The following ZC3H4 variants were observed in gnomAD, a reference collection of about 807,000 sequenced individuals.
ZC3H4 encodes zinc finger CCCH-type containing 4.
In ZC3H4, 13 loss-of-function variants were observed where a neutral mutation model predicts 108.3. That is an observed-to-expected ratio of 0.12 (90% CI 0.08 to 0.19). ZC3H4 has a LOEUF of 0.19. Among genes scored for constraint, ZC3H4 ranks in the 10% least tolerant of loss-of-function variants. The pLI is 1.00. For synonymous variants in ZC3H4, 917 were observed against 749.6 expected, an observed-to-expected ratio of 1.22 and a Z score of -3.65; for missense variants, 1,734 against 1,838.8, an observed-to-expected ratio of 0.94 and a Z score of 1.04.
At chr19:47,102,120 T>G (rs2057911932) in intron 2 of ZC3H4, among the ~76,000 whole-genome samples, 1 of 152,154 alleles carries the variant, frequency 6.6e-6, no homozygotes, top group Non-Finnish European at 1.5e-5. Context: ...AGCAGTTATT[T>G]AATAATTTCC....
chr19:47,107,639 A>ATGCGTTCAGCAAACT (rs2057983753), intron 2 of ZC3H4, among the ~76,000 whole-genome samples: 3 of 151,840 alleles, frequency 2.0e-5, no homozygotes, highest in African/African-American at 7.3e-5. Context: ...CTCAGCAAAT[A>ATGCGTTCAGCAAACT]ATCCTGCGTT....
At chr19:47,112,334 C>T in intron 2 of ZC3H4, 90 bp downstream of exon 2, 1 of 1,198,208 alleles carries the variant, frequency 8.3e-7, no homozygotes, top group Non-Finnish European at 1.0e-6. Context: ...TCCTCCTCCG[C>T]GGCCCGGCCC....
At chr19:47,068,639 A>G (rs1053815211) in intron 14 of ZC3H4, among the ~76,000 whole-genome samples, 2 of 152,112 alleles carry the variant, frequency 1.3e-5, no homozygotes, top group African/African-American at 4.8e-5. Flanking sequence ...ATTTTACCCC[A>G]AAGTGGACAC....
Position 47,067,058 on chromosome 19 carries a change from G to C in ZC3H4, c.3210C>G (p.Asp1070Glu). 2 of 1,608,516 alleles carry C rather than the reference G, an allele frequency of 1.2e-6. No homozygotes were observed. The highest frequency in any genetic ancestry group is 1.7e-6 in the Non-Finnish European group (2 of 1,177,532). ...CGGTGGGGGCCTTCCGCACCCGGGG[G>C]TCACTGGGTTTGTCGCTGGAACCGG... ...AAPGSSDKPS[D>E]PRVRKAPTDP... Residue 1070 changes from aspartate (D) to glutamate (E), a missense_variant, in exon 15 of 15, where the codon GAC becomes GAG. Transcript: ENST00000253048. The surrounding 1 kb of genome is among the most constrained non-coding windows in gnomAD (Gnocchi z 6.4).
rs2122723442 is a variant in ZC3H4, at chr19:47,072,185, G to A, written c.1803-64C>T. On this transcript the variant is annotated intron_variant, in intron 12 of 14. Coordinates refer to ENST00000253048, the MANE Select transcript of ZC3H4 (RefSeq NM_015168.2). This position sits in a 1 kb window ranked among gnomAD's most constrained non-coding sequence, Gnocchi z 5.6. ...AGGAGGGCAGTGGCCACACCCCAGA[G>A]GAGAGGCGGAGGGCTGCAGAGCCGA... is the stretch of plus-strand genomic sequence containing the variant. The A allele has an allele frequency of 4.8e-6, 7 of 1,444,152 alleles. No individual in the cohort carries two copies. The highest frequency in any genetic ancestry group is 6.5e-6 in the Non-Finnish European group (7 of 1,084,964). The allele number at this position is 1,444,152 out of a possible 1,614,324, so 89.5% of individuals were successfully genotyped here. A position where few individuals can be genotyped will look rare whatever the true frequency, so the allele number is the denominator to read the frequency against.
At chr19:47,085,248 CA>C (rs2057598392) in intron 7 of ZC3H4, 53 bp from the exon 8 acceptor site, 1 of 1,571,090 alleles carries the variant, frequency 6.4e-7, no homozygotes, top group Non-Finnish European at 8.7e-7. Flanking sequence ...CCCCCACCCC[CA>C]GGACTAGATT....
chr19:47,082,430 G>A, intron 9 of ZC3H4, 135 bp from the exon 10 acceptor site: 1 of 691,350 alleles, frequency 1.4e-6, no homozygotes, highest in Non-Finnish European at 2.6e-6. Context: ...CCTTAGGAAA[G>A]GAAGACAGGT....
intron 1 of ZC3H4, 60 bp from the exon 2 acceptor site, chr19:47,112,649 G>A: frequency 1.7e-6 from 2 of 1,147,804 alleles, no homozygotes; most frequent in East Asian, 3.2e-5. Flanking sequence ...GGCGGGAGGG[G>A]CACACTTAAG....
At chr19:47,083,311 A>T (rs1488959471) in intron 9 of ZC3H4, among the ~76,000 whole-genome samples, 2 of 134,400 alleles carry the variant, frequency 1.5e-5, no homozygotes, top group African/African-American at 6.1e-5. Context: ...AAAAAAAATT[A>T]AAAAAAAAAA....
At chr19:47,080,291 G>A (rs1006487578) in intron 11 of ZC3H4, among the ~76,000 whole-genome samples, 6 of 152,208 alleles carry the variant, frequency 3.9e-5, no homozygotes, top group African/African-American at 1.4e-4. Context: ...TCCTCAGGGA[G>A]GACAACTGAT....
chr19:47,086,622 G>A (rs1056078796), intron 5 of ZC3H4, 84 bp from the exon 6 acceptor site: 37 of 1,475,952 alleles, frequency 2.5e-5, no homozygotes, highest in Non-Finnish European at 3.2e-5. Context: ...TTGCTCCTGA[G>A]GTCAATCACT....
chr19:47,099,732 T>C (rs150449745), intron 2 of ZC3H4, among the ~76,000 whole-genome samples: 2 of 150,818 alleles, frequency 1.3e-5, no homozygotes, highest in East Asian at 3.9e-4. Context: ...GAAATGAAGC[T>C]TGGCAACATG....
chr19:47,101,510 T>C (rs2057903343), intron 2 of ZC3H4, among the ~76,000 whole-genome samples: 1 of 152,138 alleles, frequency 6.6e-6, no homozygotes, highest in Non-Finnish European at 1.5e-5. Context: ...ATTAGAGGCA[T>C]GAGCCATTGC....
chr19:47,092,816 C>CAATAAATAAATAAATA (rs57195521), intron 4 of ZC3H4, among the ~76,000 whole-genome samples: 30 of 146,940 alleles, frequency 2.0e-4, no homozygotes, highest in Non-Finnish European at 3.3e-4. Context: ...GACTCCGTCT[C>CAATAAATAAATAAATA]AATAAATAAA....
intron 2 of ZC3H4, among the ~76,000 whole-genome samples, chr19:47,101,593 C>T (rs2123062091): frequency 6.6e-6 from 1 of 152,138 alleles, no homozygotes; most frequent in South Asian, 2.1e-4. Context: ...AAAGTTCTGG[C>T]CAGGTACGGT....
At position 47,085,099 on chromosome 19, in the gene ZC3H4, C is replaced by G; in HGVS notation, c.1064G>C (p.Gly355Ala). ...GAAGTCTTCGTCATCGTTCATTCCGCCCTTGTTCATCCCTCCTCGGCTGCC... is the reference window on the plus strand; with the variant it reads ...GAAGTCTTCGTCATCGTTCATTCCGGCCTTGTTCATCCCTCCTCGGCTGCC... Reference protein sequence around the residue: ...RGGSRGGMNKGGMNDDEDFYD... With the variant: ...RGGSRGGMNKAGMNDDEDFYD... Residue 355 changes from glycine (G) to alanine (A), a missense_variant, in exon 8 of 15, where the codon GGC (glycine) becomes GCC (alanine). Transcript: ENST00000253048. The G allele has an allele frequency of 1.2e-6, 2 of 1,614,240 alleles. No homozygotes were observed. Among genetic ancestry groups the G allele is most frequent in the Non-Finnish European group, 1.7e-6 (2 of 1,180,028 alleles).
In ZC3H4 at chr19:47,094,369, C is replaced by T. The variant is rs1416412002; in HGVS notation, c.381+20G>A. ...GGCCCAATGCCAGGCAGTGGCAGTC[C>T]CAGGGGATCTCCGACCTACTTTGTG... On this transcript the variant is annotated intron_variant, in intron 3 of 14. Transcript: ENST00000253048. The T allele has an allele frequency of 6.2e-7, 1 of 1,613,206 alleles. No homozygotes were observed. The highest frequency in any genetic ancestry group is 8.5e-7 in the Non-Finnish European group (1 of 1,179,832).
intron 5 of ZC3H4, 23 bp from the exon 6 acceptor site, chr19:47,086,561 A>T: frequency 1.3e-6 from 2 of 1,556,090 alleles, no homozygotes; most frequent in East Asian, 4.7e-5. Context: ...TCAGATAGTG[A>T]GCCTCCAGCA....
chr19:47,112,828 T>C (rs907819626), intron 1 of ZC3H4, among the ~76,000 whole-genome samples: 2 of 150,830 alleles, frequency 1.3e-5, no homozygotes, highest in Non-Finnish European at 2.9e-5. Flanking sequence ...GGGGCCCTCA[T>C]AGGGGCGAGA....
Sources: allele counts gnomAD v4.1 joint callset (sites outside exome capture counted in the v4.1 genomes callset), GRCh38; gene constraint gnomAD v4.1.1; non-coding constraint Gnocchi (gnomAD v3.1); transcripts MANE v1.5; gene names NCBI Gene and HGNC (gene_info 2026-07-23, HGNC 2026-07-21).